The following ACRBP variants were observed in gnomAD, a reference collection of about 807,000 sequenced individuals.
The protein encoded by ACRBP is acrosin binding protein, also known as acrosin-binding protein.
ACRBP carries 52 observed loss-of-function variants against 69.0 expected under a neutral mutation model. The ratio of observed to expected loss-of-function variants is 0.75; its 90% confidence interval spans 0.60 to 0.95. The LOEUF is 0.95. Among genes scored for constraint, ACRBP ranks in the 40% least tolerant of loss-of-function variants. ACRBP has a pLI of 0.00. For missense variants in ACRBP, 604 were observed against 673.0 expected (o/e 0.90, Z 1.13); for synonymous variants, 267 against 258.9 (o/e 1.03, Z -0.30).
At chr12:6,646,340 T>C in intron 3 of ACRBP, 143 bp downstream of exon 3, 1 of 706,300 alleles carries the variant, frequency 1.4e-6, no homozygotes. Flanking sequence ...TGTATTCATA[T>C]ATAATCTGGG....
chr12:6,638,459 G>C, intron 9 of ACRBP, 55 bp from the exon 10 acceptor site: 2 of 1,609,030 alleles, frequency 1.2e-6, no homozygotes, highest in Non-Finnish European at 1.7e-6. Context: ...TGCCAGGAGT[G>C]GGGAGGAGGG....
chr12:6,644,057 A>T, intron 5 of ACRBP, 80 bp downstream of exon 5: 1 of 1,517,626 alleles, frequency 6.6e-7, no homozygotes, highest in Non-Finnish European at 8.8e-7. Context: ...TGGAGGCTGA[A>T]GCTAGGAAAA....
chr12:6,638,514 C>T (rs1949027779), intron 9 of ACRBP, 110 bp from the exon 10 acceptor site: 2 of 1,475,144 alleles, frequency 1.4e-6, no homozygotes, highest in Non-Finnish European at 1.9e-6. Flanking sequence ...CAGGCATGGG[C>T]ACAGGGCAGT....
In ACRBP at chr12:6,640,032, G is replaced by T. The variant is rs76099317; in HGVS notation, c.1425+28C>A. 120 of 1,612,888 alleles carry T rather than the reference G, an allele frequency of 7.4e-5. No individual in the cohort carries two copies. The highest frequency in any genetic ancestry group is 9.8e-5 in the Non-Finnish European group (116 of 1,179,326). On this transcript the variant is annotated intron_variant, in intron 8 of 9. Coordinates refer to ENST00000229243, the MANE Select transcript of ACRBP (RefSeq NM_032489.3). The surrounding 1 kb of genome is among the most constrained non-coding windows in gnomAD (Gnocchi z 5.3). ...AAGGAATGGGGTGAGGGTAGGGATG[G>T]GGCTGAGCTTTGGGGAAAGGTTCTA...
At position 6,647,011 on chromosome 12, in the gene ACRBP, C is replaced by G; in HGVS notation, c.45G>C (p.Val15=). ...CGGCAGGTGCCAGAGGCAGGAGCAG[C>G]ACTGCGGAGCGGGCGAACGGATGAT... ...AAGFLPSLLK[V]LLLPLAPAAA... is the part of the protein sequence containing the mutation. Residue 15 remains valine (V), a splice_region_variant and synonymous_variant, in exon 2 of 10, where the codon GTG becomes GTC. Transcript: ENST00000229243. 6.2e-7 allele frequency: 1 copy of G among 1,608,394 alleles called. No individual in the cohort carries two copies.
Position 6,640,293 on chromosome 12 carries a change from C to T in ACRBP, c.1257+50G>A, listed in dbSNP as rs1358331441. On this transcript the variant is annotated intron_variant, in intron 7 of 9. Transcript: ENST00000229243. The surrounding 1 kb of genome is among the most constrained non-coding windows in gnomAD (Gnocchi z 5.3). ...CACCTGCTGGCCACCACCACCCCAC[C>T]CCTGCCACCCAGTTCTGCCTTTCCC... The T allele has an allele frequency of 1.9e-6, 3 of 1,612,684 alleles. No homozygotes were observed. Among genetic ancestry groups the T allele is most frequent in the African/African-American group, 2.7e-5 (2 of 74,926 alleles).
At chr12:6,638,438 A>T (rs1047813159) in intron 9 of ACRBP, 34 bp from the exon 10 acceptor site, 23 of 1,613,218 alleles carry the variant, frequency 1.4e-5, no homozygotes, top group Non-Finnish European at 5.9e-6. Context: ...GGTCTGTATC[A>T]CAGAGCCAGG....
chr12:6,646,568 C>CA lies in ACRBP; in HGVS notation c.271dup (p.Cys91LeufsTer11). On this transcript the variant is annotated frameshift_variant, in exon 3 of 10. Coordinates refer to ENST00000229243, the MANE Select transcript of ACRBP (RefSeq NM_032489.3). LOFTEE classifies it high-confidence loss of function. ...CCAGGAGGCATAAGGGAGGTTGGAG[C>CA]AGACAGCACCTGAGAAAGGGCAGGG... The CA allele has an allele frequency of 1.2e-6, 2 of 1,614,042 alleles. No individual in the cohort carries two copies. Among genetic ancestry groups the CA allele is most frequent in the Non-Finnish European group, 1.7e-6 (2 of 1,179,986 alleles).
In ACRBP at chr12:6,638,167, T is replaced by C. The variant is rs946979972; in HGVS notation, c.*115A>G. On this transcript the variant is annotated 3_prime_UTR_variant, in exon 10 of 10. Transcript: ENST00000229243. ...GGACTGTTGCTCCAACCCAAGGAAA[T>C]GTGAGTAGGGGCCGAGTAACAGACC... is the stretch of plus-strand genomic sequence containing the variant. 2 of 1,454,198 alleles carry C rather than the reference T, an allele frequency of 1.4e-6. No individual in the cohort carries two copies. Among genetic ancestry groups the C allele is most frequent in the African/African-American group, 2.8e-5 (2 of 70,826 alleles). The allele number at this position is 1,454,198 out of a possible 1,614,324, so 90.1% of individuals were successfully genotyped here.
chr12:6,638,103 C>T lies in ACRBP; in HGVS notation c.*179G>A. 1 of 784,244 alleles carries T rather than the reference C, an allele frequency of 1.3e-6. No homozygotes were observed. Among genetic ancestry groups the T allele is most frequent in the Non-Finnish European group, 2.0e-6 (1 of 501,812 alleles). The allele number at this position is 784,244 out of a possible 1,614,324, so 48.6% of individuals were successfully genotyped here. ...AGATCAACATTTTATGTAAAGTCAT[C>T]TTTTAAGGAGGGCGCAGCTCCCACC... On this transcript the variant is annotated 3_prime_UTR_variant, in exon 10 of 10. Transcript: ENST00000229243.
chr12:6,638,543 C>T, intron 9 of ACRBP, 139 bp from the exon 10 acceptor site: 2 of 1,322,036 alleles, frequency 1.5e-6, no homozygotes, highest in African/African-American at 1.5e-5. Context: ...GGAGGAAACT[C>T]AAATGTGGGT....
At position 6,647,428 on chromosome 12, in the gene ACRBP, G is replaced by C; in HGVS notation, c.-62C>G. 6.9e-7 allele frequency: 1 copy of C among 1,456,230 alleles called. No individual in the cohort carries two copies. The highest frequency in any genetic ancestry group is 1.3e-5 in the South Asian group (1 of 75,424). 90.2% of individuals were successfully genotyped at this position (1,456,230 alleles called of 1,614,324 possible). A position where few individuals can be genotyped will look rare whatever the true frequency, so the allele number is the denominator to read the frequency against. On this transcript the variant is annotated 5_prime_UTR_variant, in exon 1 of 10. Transcript: ENST00000229243. ...GCCGCCTCTAACGGGCCAAGCCGCA[G>C]AGAGAGCCGCAGGCGCGGGGCGGGG...
intron 4 of ACRBP, 103 bp downstream of exon 4, chr12:6,645,117 C>T (rs748794301): frequency 2.1e-5 from 19 of 923,608 alleles, no homozygotes; most frequent in Non-Finnish European, 2.7e-5. Context: ...GCCCCCTTCC[C>T]GCCCAACATG....
intron 9 of ACRBP, 80 bp from the exon 10 acceptor site, chr12:6,638,484 C>T: frequency 6.3e-7 from 1 of 1,587,518 alleles, no homozygotes; most frequent in Non-Finnish European, 8.6e-7. Flanking sequence ...TGTCAGAAGC[C>T]CAAAAGAACG....
At position 6,640,011 on chromosome 12, in the gene ACRBP, AATGGGGTGAGGGTAGGG is replaced by A; in HGVS notation, c.1425+32_1425+48del. The A allele has an allele frequency of 6.2e-7, 1 of 1,601,246 alleles. No homozygotes were observed. ...CTACTCACAGCAAGTAACTGGAAGG[AATGGGGTGAGGGTAGGG>A]ATGGGGCTGAGCTTTGGGGAAAGGT... On this transcript the variant is annotated intron_variant, in intron 8 of 9. Transcript: ENST00000229243. The surrounding 1 kb of genome is among the most constrained non-coding windows in gnomAD (Gnocchi z 5.3).
intron 6 of ACRBP, among the ~76,000 whole-genome samples, chr12:6,642,189 G>A (rs990408589): frequency 6.6e-6 from 1 of 152,150 alleles, no homozygotes; most frequent in African/African-American, 2.4e-5. Flanking sequence ...CAAGAGGACA[G>A]AGGACTGGCT....
At chr12:6,643,738 T>TA in intron 5 of ACRBP, 67 bp from the exon 6 acceptor site, 1 of 1,584,532 alleles carries the variant, frequency 6.3e-7, no homozygotes, top group Non-Finnish European at 8.6e-7. Flanking sequence ...ACATCCAGTC[T>TA]CTTCCCCTTC....
At chr12:6,647,107 G>A (rs1282255762) in intron 1 of ACRBP, 95 bp from the exon 2 acceptor site, 1 of 1,233,800 alleles carries the variant, frequency 8.1e-7, no homozygotes, top group Non-Finnish European at 1.2e-6. Flanking sequence ...TTAGGAACGG[G>A]GTGAGGGTTA....
chr12:6,647,113 G>A, intron 1 of ACRBP, 101 bp from the exon 2 acceptor site: 1 of 1,191,070 alleles, frequency 8.4e-7, no homozygotes, highest in South Asian at 1.3e-5. Context: ...ACGGGGTGAG[G>A]GTTATCCCTG....
Sources: gnomAD v4.1 joint callset for allele counts (sites outside exome capture counted in the v4.1 genomes callset) on GRCh38, gnomAD v4.1.1 for gene constraint, Gnocchi (gnomAD v3.1) non-coding constraint, MANE v1.5 for transcripts, NCBI Gene and HGNC (gene_info 2026-07-23, HGNC 2026-07-21) for gene names.